The following PCCA variants were observed in gnomAD, a reference collection of about 807,000 sequenced individuals.
PCCA encodes the protein propionyl-CoA carboxylase alpha chain, mitochondrial.
PCCA carries 74 observed loss-of-function variants against 101.3 expected under a neutral mutation model. That is an observed-to-expected ratio of 0.73 (90% CI 0.61 to 0.89). PCCA has a LOEUF of 0.89. Among genes scored for constraint, PCCA ranks in the 40% least tolerant of loss-of-function variants. PCCA has a pLI of 0.00. For missense variants in PCCA, 891 were observed against 907.0 expected, an observed-to-expected ratio of 0.98 and a Z score of 0.23; for synonymous variants, 294 against 313.6, an observed-to-expected ratio of 0.94 and a Z score of 0.66.
chr13:100,499,858 T>C (rs1168736531), intron 21 of PCCA, among the ~76,000 whole-genome samples: 1 of 152,068 alleles, frequency 6.6e-6, no homozygotes, highest in Non-Finnish European at 1.5e-5. Flanking sequence ...GTGTTTCTAA[T>C]TCACAGGTTG....
chr13:100,174,732 AAAAAAAAAAG>A (rs2056070676), intron 6 of PCCA, among the ~76,000 whole-genome samples: 3 of 151,408 alleles, frequency 2.0e-5, no homozygotes, highest in Non-Finnish European at 2.9e-5. Context: ...CATCTCAAAA[AAAAAAAAAAG>A]AAAAAAAAAG....
intron 12 of PCCA, among the ~76,000 whole-genome samples, chr13:100,286,266 C>G (rs1038238985): frequency 1.3e-5 from 2 of 152,044 alleles, no homozygotes; most frequent in Admixed American, 6.5e-5. Context: ...AGGGTGTGCC[C>G]TTACAGATGG....
chr13:100,288,418 G>A (rs946641605), intron 12 of PCCA, among the ~76,000 whole-genome samples: 3 of 152,090 alleles, frequency 2.0e-5, no homozygotes, highest in East Asian at 1.9e-4. Flanking sequence ...CACCCCAGCC[G>A]CCCAGGTAGC....
chr13:100,374,442 CT>C (rs1376317727), intron 19 of PCCA, among the ~76,000 whole-genome samples: 7 of 152,120 alleles, frequency 4.6e-5, no homozygotes, highest in Non-Finnish European at 1.0e-4. Context: ...CCATTTCTGT[CT>C]TGCTCAATAT....
At chr13:100,337,409 G>C (rs888685013) in intron 17 of PCCA, among the ~76,000 whole-genome samples, 2 of 152,232 alleles carry the variant, frequency 1.3e-5, no homozygotes, top group African/African-American at 4.8e-5. Flanking sequence ...CTCAAGGTCA[G>C]AGCCAGGGAA....
intron 21 of PCCA, 33 bp downstream of exon 21, chr13:100,449,338 T>A (rs1162001220): frequency 1.5e-6 from 2 of 1,322,444 alleles, no homozygotes; most frequent in South Asian, 1.3e-5. Flanking sequence ...TTCTCTTAAT[T>A]TACAGAGAAA....
intron 14 of PCCA, among the ~76,000 whole-genome samples, chr13:100,303,812 A>C (rs2066253694): frequency 6.6e-6 from 1 of 152,132 alleles, no homozygotes; most frequent in Non-Finnish European, 1.5e-5. Context: ...GTGCTTTCTA[A>C]AGGGACTTGA....
chr13:100,144,483 G>A (rs915420402), intron 4 of PCCA, among the ~76,000 whole-genome samples: 1 of 152,096 alleles, frequency 6.6e-6, no homozygotes, highest in African/African-American at 2.4e-5. Context: ...TCACTTTCAT[G>A]TACTCATTTT....
At position 100,245,500 on chromosome 13, in the gene PCCA, A is replaced by G. The variant is rs545400857; in HGVS notation, c.637+9622A>G. On this transcript the variant is annotated intron_variant, in intron 8 of 23. Coordinates refer to ENST00000376285, the MANE Select transcript of PCCA (RefSeq NM_000282.4). The stretch of plus-strand genomic sequence containing the variant: ...TCTTCATTCTGTGTGTTCAATTCTC[A>G]TTCGTCAGGTTGTAGGGTGAGAAGG... Among the ~76,000 whole-genome samples, 11 of 152,166 alleles carry G rather than the reference A, an allele frequency of 7.2e-5. No homozygotes were observed. The South Asian group carries it at 8.3e-4, about 12-fold the overall frequency.
intron 21 of PCCA, among the ~76,000 whole-genome samples, chr13:100,482,363 A>G (rs1372976620): frequency 6.6e-6 from 1 of 152,128 alleles, no homozygotes; most frequent in Non-Finnish European, 1.5e-5. Flanking sequence ...GGGCCAATAG[A>G]GAGGGAAGAG....
intron 6 of PCCA, among the ~76,000 whole-genome samples, chr13:100,205,538 CTTTTTTT>C (rs3034652): frequency 1.8e-5 from 2 of 112,136 alleles, no homozygotes; most frequent in East Asian, 2.7e-4. Context: ...TTGATATAAG[CTTTTTTT>C]TTTTTTTTTT....
intron 20 of PCCA, among the ~76,000 whole-genome samples, chr13:100,436,208 A>G (rs140111768): frequency 9.1e-4 from 139 of 152,316 alleles, no homozygotes; most frequent in African/African-American, 3.3e-3. Flanking sequence ...CATGTAAATG[A>G]AGTTGCAGCC....
intron 22 of PCCA, among the ~76,000 whole-genome samples, chr13:100,522,456 C>T (rs905974834): frequency 1.3e-5 from 2 of 152,136 alleles, no homozygotes; most frequent in Non-Finnish European, 2.9e-5. Flanking sequence ...AGTGGAAAGC[C>T]ATATGCCACT....
intron 19 of PCCA, among the ~76,000 whole-genome samples, chr13:100,411,025 G>C (rs1350892431): frequency 1.3e-5 from 2 of 152,086 alleles, no homozygotes; most frequent in African/African-American, 4.8e-5. Flanking sequence ...ATATAGAATA[G>C]GGGAAAGTTA....
chr13:100,189,809 T>G (rs998343404), intron 6 of PCCA, among the ~76,000 whole-genome samples: 4 of 152,202 alleles, frequency 2.6e-5, no homozygotes, highest in African/African-American at 9.6e-5. Flanking sequence ...TGTGCCTGGC[T>G]GCATTATTAT....
chr13:100,320,499 A>G (rs2067905746), intron 16 of PCCA, among the ~76,000 whole-genome samples: 1 of 152,230 alleles, frequency 6.6e-6, no homozygotes, highest in African/African-American at 2.4e-5. Flanking sequence ...GATACGTCCC[A>G]TCAATACCAA....
At chr13:100,212,214 C>T (rs993010340) in intron 7 of PCCA, among the ~76,000 whole-genome samples, 1 of 152,152 alleles carries the variant, frequency 6.6e-6, no homozygotes, top group African/African-American at 2.4e-5. Flanking sequence ...GTACTATAGC[C>T]CATGCACACC....
At chr13:100,470,790 C>G (rs955226062) in intron 21 of PCCA, among the ~76,000 whole-genome samples, 1 of 152,100 alleles carries the variant, frequency 6.6e-6, no homozygotes, top group East Asian at 1.9e-4. Flanking sequence ...ACCCGGGAGG[C>G]GGAGGTTGCA....
At chr13:100,480,034 GA>G (rs2083759136) in intron 21 of PCCA, among the ~76,000 whole-genome samples, 1 of 152,134 alleles carries the variant, frequency 6.6e-6, no homozygotes, top group African/African-American at 2.4e-5. Flanking sequence ...TTTATTTAAT[GA>G]AAAACCTATG....
Sources: allele counts gnomAD v4.1 joint callset (sites outside exome capture counted in the v4.1 genomes callset), GRCh38; gene constraint gnomAD v4.1.1; transcripts MANE v1.5; gene names NCBI Gene and HGNC (gene_info 2026-07-23, HGNC 2026-07-21).